Variants in AGTPBP1 observed in about 807,000 individuals in gnomAD.
AGTPBP1 encodes cytosolic carboxypeptidase 1.
AGTPBP1 carries 70 observed loss-of-function variants against 143.9 expected under a neutral mutation model. That is an observed-to-expected ratio of 0.49 (90% CI 0.40 to 0.59). The LOEUF is 0.59. Ranked by LOEUF, AGTPBP1 falls within the 20% of genes least tolerant of loss-of-function variation. AGTPBP1 has a pLI of 0.00. For synonymous variants in AGTPBP1, 463 were observed against 500.2 expected (o/e 0.93, Z 0.99); for missense variants, 1,229 against 1,464.5 (o/e 0.84, Z 2.62).
chr9:85,786,513 T>C, the AGTPBP1 span: 4 of 1,613,770 alleles, frequency 2.5e-6, no homozygotes, highest in African/African-American at 2.7e-5. Context: ...AGTCTTGGAG[T>C]TGGCATTGGA....
the AGTPBP1 span, among the ~76,000 whole-genome samples, chr9:85,782,608 G>A: frequency 6.6e-6 from 1 of 152,190 alleles, no homozygotes; most frequent in African/African-American, 2.4e-5. Context: ...AGGATAGGCT[G>A]GGGTCTGCTA....
intron 17 of AGTPBP1, among the ~76,000 whole-genome samples, chr9:85,599,668 G>A (rs545030329): frequency 6.6e-6 from 1 of 152,256 alleles, no homozygotes; most frequent in Non-Finnish European, 1.5e-5. Context: ...TGTTCAGAAA[G>A]AGATCAGATA....
chr9:85,636,806 A>C (rs1832087059), intron 13 of AGTPBP1, among the ~76,000 whole-genome samples: 2 of 152,288 alleles, frequency 1.3e-5, no homozygotes, highest in South Asian at 4.1e-4. Flanking sequence ...ATCTTATGAG[A>C]AAACAACTCA....
the AGTPBP1 span, among the ~76,000 whole-genome samples, chr9:85,768,588 C>T: frequency 6.6e-6 from 1 of 152,154 alleles, no homozygotes; most frequent in Non-Finnish European, 1.5e-5. Context: ...TCCTCTTATT[C>T]GTTCACCTAA....
chr9:85,763,439 G>A, the AGTPBP1 span, among the ~76,000 whole-genome samples: 2 of 151,886 alleles, frequency 1.3e-5, no homozygotes, highest in Admixed American at 6.6e-5. Context: ...TTGATCAAAT[G>A]AAAAAGTGTT....
chr9:85,694,920 A>G (rs951509082), intron 2 of AGTPBP1, among the ~76,000 whole-genome samples: 6 of 152,096 alleles, frequency 3.9e-5, no homozygotes, highest in African/African-American at 1.4e-4. Context: ...CAACATAAAT[A>G]TCTAGACTCC....
chr9:85,794,280 A>G, the AGTPBP1 span, among the ~76,000 whole-genome samples: 1 of 152,174 alleles, frequency 6.6e-6, no homozygotes, highest in Non-Finnish European at 1.5e-5. Context: ...GGAGAAGAGC[A>G]CTTTACAGTT....
At chr9:85,627,994 C>T (rs1348236845) in intron 14 of AGTPBP1, among the ~76,000 whole-genome samples, 1 of 152,164 alleles carries the variant, frequency 6.6e-6, no homozygotes, top group Admixed American at 6.5e-5. Flanking sequence ...GGGGCTGGTG[C>T]CCCAACCTCT....
At chr9:85,744,757 C>T (rs1457958705), upstream of AGTPBP1, among the ~76,000 whole-genome samples, 3 of 152,158 alleles carry the variant, frequency 2.0e-5, no homozygotes, top group Non-Finnish European at 4.4e-5. Context: ...TAGGCAAGAC[C>T]CCTGTGTAAG....
intron 1 of AGTPBP1, among the ~76,000 whole-genome samples, chr9:85,738,306 T>A (rs1241599757): frequency 6.9e-6 from 1 of 145,474 alleles, no homozygotes; most frequent in African/African-American, 2.5e-5. Context: ...AGAACAAGTA[T>A]GTAAAATCAT....
chr9:85,763,986 G>C, the AGTPBP1 span, among the ~76,000 whole-genome samples: 1 of 151,826 alleles, frequency 6.6e-6, no homozygotes, highest in Admixed American at 6.6e-5. Flanking sequence ...AATGAAATAC[G>C]AGTAAAAACA....
intron 25 of AGTPBP1, among the ~76,000 whole-genome samples, chr9:85,569,732 A>G (rs1827341393): frequency 6.6e-6 from 1 of 152,218 alleles, no homozygotes; most frequent in African/African-American, 2.4e-5. Flanking sequence ...CTCTGCAGCC[A>G]CCACTCTCCT....
chr9:85,569,667 A>G (rs1827336754), intron 25 of AGTPBP1, among the ~76,000 whole-genome samples: 1 of 152,202 alleles, frequency 6.6e-6, no homozygotes, highest in Non-Finnish European at 1.5e-5. Context: ...GCTGTACGCT[A>G]GTAGCGTGTC....
chr9:85,610,833 A>G (rs1830269159), intron 17 of AGTPBP1, among the ~76,000 whole-genome samples: 1 of 152,220 alleles, frequency 6.6e-6, no homozygotes, highest in Non-Finnish European at 1.5e-5. Flanking sequence ...GTTAAATTCT[A>G]GTTTACCAAA....
chr9:85,686,108 C>G lies in AGTPBP1; in HGVS notation c.158-4773G>C, dbSNP rs191915908. Among the ~76,000 whole-genome samples the G allele has an allele frequency of 6.8e-4, 103 of 151,820 alleles. 1 individual carries two copies. The highest frequency in any genetic ancestry group is 3.4e-3 in the Middle Eastern group (1 of 294). On this transcript the variant is annotated intron_variant, in intron 3 of 25. Transcript: ENST00000357081. ...AAATTGTAGACCTAAATCCAGTCAA[C>G]AACTACATTAAATGTTAACAGACCA... is the stretch of plus-strand genomic sequence containing the variant.
At chr9:85,795,901 T>C in the AGTPBP1 span, among the ~76,000 whole-genome samples, 1 of 148,792 alleles carries the variant, frequency 6.7e-6, no homozygotes, top group South Asian at 2.2e-4. Context: ...CTGGTGTTTT[T>C]GATGAGGTTG....
chr9:85,589,924 C>A (rs1587692352), intron 19 of AGTPBP1, among the ~76,000 whole-genome samples: 1 of 152,074 alleles, frequency 6.6e-6, no homozygotes, highest in Non-Finnish European at 1.5e-5. Context: ...ATCTGTAATA[C>A]ACTCATTATT....
At chr9:85,711,001 G>C (rs1401309305) in intron 2 of AGTPBP1, among the ~76,000 whole-genome samples, 2 of 152,172 alleles carry the variant, frequency 1.3e-5, no homozygotes, top group East Asian at 3.9e-4. Context: ...GTTAATAACT[G>C]CAAAACCTAG....
chr9:85,769,154 A>T, the AGTPBP1 span, among the ~76,000 whole-genome samples: 1 of 152,076 alleles, frequency 6.6e-6, no homozygotes, highest in Admixed American at 6.6e-5. Flanking sequence ...GACACATGAA[A>T]TTTTTTTCTC....
Sources: gnomAD v4.1 joint callset for allele counts (sites outside exome capture counted in the v4.1 genomes callset) on GRCh38, gnomAD v4.1.1 for gene constraint, MANE v1.5 for transcripts, NCBI Gene and HGNC (gene_info 2026-07-23, HGNC 2026-07-21) for gene names.